CXCL13: variants seen among roughly 807,000 people sequenced by gnomAD.
The protein encoded by CXCL13 is C-X-C motif chemokine 13.
In CXCL13, 7 loss-of-function variants were observed where a neutral mutation model predicts 12.2. That is an observed-to-expected ratio of 0.57 (90% CI 0.33 to 1.07). The LOEUF is 1.07. Among genes scored for constraint, CXCL13 ranks in the 50% least tolerant of loss-of-function variants. The pLI is 0.04. For missense variants in CXCL13, 113 were observed against 127.4 expected (o/e 0.89, Z 0.55); for synonymous variants, 47 against 42.4 (o/e 1.11, Z -0.42).
intron 1 of CXCL13, among the ~76,000 whole-genome samples, chr4:77,607,313 G>C (rs1315564630): frequency 6.6e-6 from 1 of 152,062 alleles, no homozygotes; most frequent in Non-Finnish European, 1.5e-5. Flanking sequence ...AAATTGCTGT[G>C]TTTTTTTGAA....
chr4:77,528,049 G>A (rs1033348549), intron 1 of CXCL13, among the ~76,000 whole-genome samples: 7 of 152,122 alleles, frequency 4.6e-5, no homozygotes, highest in East Asian at 3.9e-4. Flanking sequence ...TTGTCCTTGC[G>A]ATAGTTTGCT....
intron 1 of CXCL13, among the ~76,000 whole-genome samples, chr4:77,596,108 G>A (rs573175159): frequency 6.6e-6 from 1 of 152,360 alleles, no homozygotes; most frequent in Non-Finnish European, 1.5e-5. Context: ...GAGGCAGATA[G>A]AAGGCAGTAT....
chr4:77,537,143 A>G (rs1725078041), intron 1 of CXCL13, among the ~76,000 whole-genome samples: 1 of 152,248 alleles, frequency 6.6e-6, no homozygotes, highest in African/African-American at 2.4e-5. Context: ...TTATAAAAAC[A>G]TGAGCAAGGC....
chr4:77,542,747 GC>G (rs1427797440), intron 1 of CXCL13, among the ~76,000 whole-genome samples: 1 of 152,162 alleles, frequency 6.6e-6, no homozygotes, highest in Admixed American at 6.6e-5. Flanking sequence ...TTTTTTAAGT[GC>G]TACTGGATTC....
chr4:77,521,893 A>T (rs1177687455), intron 1 of CXCL13, among the ~76,000 whole-genome samples: 1 of 152,120 alleles, frequency 6.6e-6, no homozygotes, highest in East Asian at 1.9e-4. Context: ...TGTGTCCCAG[A>T]GATTCTGGTA....
At chr4:77,596,408 A>G (rs1181672668) in intron 1 of CXCL13, among the ~76,000 whole-genome samples, 5 of 152,224 alleles carry the variant, frequency 3.3e-5, no homozygotes, top group Non-Finnish European at 4.4e-5. Flanking sequence ...GGAAAATAGT[A>G]TGGAGGTTAC....
chr4:77,561,970 C>G (rs1257266349), intron 1 of CXCL13, among the ~76,000 whole-genome samples: 1 of 152,154 alleles, frequency 6.6e-6, no homozygotes, highest in African/African-American at 2.4e-5. Flanking sequence ...CTTGGTGGGC[C>G]CTGCACTTGG....
chr4:77,568,582 C>T (rs533211411), intron 1 of CXCL13, among the ~76,000 whole-genome samples: 56 of 152,222 alleles, frequency 3.7e-4, no homozygotes, highest in Middle Eastern at 3.4e-3. Context: ...CCCTAGGATG[C>T]GAGAGTCATG....
chr4:77,520,163 C>T (rs1396899408), intron 1 of CXCL13, among the ~76,000 whole-genome samples: 4 of 152,234 alleles, frequency 2.6e-5, no homozygotes, highest in Middle Eastern at 3.4e-3. Context: ...CCTCCAGCTT[C>T]ATTCTTTTGG....
intron 1 of CXCL13, among the ~76,000 whole-genome samples, chr4:77,524,991 C>T (rs368209109): frequency 2.4e-4 from 37 of 152,302 alleles, no homozygotes; most frequent in African/African-American, 8.7e-4. Flanking sequence ...GAAGCTTAAT[C>T]CCCAATGCAA....
intron 1 of CXCL13, among the ~76,000 whole-genome samples, chr4:77,560,457 C>A (rs1725779465): frequency 6.6e-6 from 1 of 152,210 alleles, no homozygotes. Flanking sequence ...CATTCCTAAA[C>A]AATGCCTTTT....
intron 1 of CXCL13, among the ~76,000 whole-genome samples, chr4:77,545,176 AGG>A (rs1271480423): frequency 2.0e-5 from 3 of 152,172 alleles, no homozygotes; most frequent in African/African-American, 7.2e-5. Flanking sequence ...GAAGTCAGGT[AGG>A]GTGATGCCTC....
At chr4:77,528,073 T>A (rs1299250456) in intron 1 of CXCL13, among the ~76,000 whole-genome samples, 1 of 152,216 alleles carries the variant, frequency 6.6e-6, no homozygotes, top group South Asian at 2.1e-4. Context: ...AATGAAGGTT[T>A]CCAGCTTCAT....
intron 1 of CXCL13, among the ~76,000 whole-genome samples, chr4:77,526,433 T>A (rs988776182): frequency 6.6e-6 from 1 of 152,078 alleles, no homozygotes; most frequent in African/African-American, 2.4e-5. Flanking sequence ...ATGATGTATG[T>A]CTTAGTTTAA....
In CXCL13 at chr4:77,611,090, G is replaced by A; in HGVS notation, c.*51G>A. ...TGCATTCTTCCCTTATCCCTGCTCT[G>A]GATTTTAGTTTTGTGCTTAGTTAAA... On this transcript the variant is annotated 3_prime_UTR_variant, in exon 4 of 4. Transcript: ENST00000682537. 2.7e-6 allele frequency: 4 copies of A among 1,461,420 alleles called. No homozygotes were observed. The highest frequency in any genetic ancestry group is 3.8e-6 in the Non-Finnish European group (4 of 1,057,788). The allele number at this position is 1,461,420 out of a possible 1,614,324, so 90.5% of individuals were successfully genotyped here. A position where few individuals can be genotyped will look rare whatever the true frequency, so the allele number is the denominator to read the frequency against.
At chr4:77,522,941 A>G (rs926282714) in intron 1 of CXCL13, among the ~76,000 whole-genome samples, 2 of 152,144 alleles carry the variant, frequency 1.3e-5, no homozygotes, top group Non-Finnish European at 2.9e-5. Flanking sequence ...TTATCTGTAA[A>G]GGATTTTATT....
chr4:77,576,652 A>T (rs762713540), intron 1 of CXCL13, among the ~76,000 whole-genome samples: 1 of 151,338 alleles, frequency 6.6e-6, no homozygotes, highest in Non-Finnish European at 1.5e-5. Flanking sequence ...TACCCAGCTC[A>T]TAGGTATTTG....
intron 1 of CXCL13, among the ~76,000 whole-genome samples, chr4:77,535,199 T>G (rs1725030688): frequency 6.6e-6 from 1 of 152,214 alleles, no homozygotes; most frequent in Admixed American, 6.5e-5. Flanking sequence ...GGGGAAGAAC[T>G]GGGGGCCTTT....
intron 1 of CXCL13, among the ~76,000 whole-genome samples, chr4:77,521,252 C>A (rs1257325666): frequency 1.3e-5 from 2 of 152,090 alleles, no homozygotes; most frequent in South Asian, 4.2e-4. Context: ...GGGAGGACTC[C>A]CTCTTTTTCT....
Sources: allele counts gnomAD v4.1 joint callset (sites outside exome capture counted in the v4.1 genomes callset), GRCh38; gene constraint gnomAD v4.1.1; transcripts MANE v1.5; gene names NCBI Gene and HGNC (gene_info 2026-07-23, HGNC 2026-07-21).